ZFHX3: variants seen among roughly 807,000 people sequenced by gnomAD.
ZFHX3 encodes zinc finger homeobox protein 3.
ZFHX3 carries 42 observed loss-of-function variants against 279.1 expected under a neutral mutation model. The ratio of observed to expected loss-of-function variants is 0.15; its 90% CI spans 0.12 to 0.19. The LOEUF is 0.19. ZFHX3 is among the 10% of genes least tolerant of loss of function. The pLI is 1.00. For synonymous variants in ZFHX3, 2,293 were observed against 1,957.8 expected (o/e 1.17, Z -4.52); for missense variants, 4,981 against 4,754.0 (o/e 1.05, Z -1.40).
At chr16:72,988,151 C>T (rs1013868255) in intron 1 of ZFHX3, among the ~76,000 whole-genome samples, 4 of 152,192 alleles carry the variant, frequency 2.6e-5, no homozygotes, top group African/African-American at 7.2e-5. Context: ...GTGCTAAGAA[C>T]CATTTAGGAG....
intron 1 of ZFHX3, among the ~76,000 whole-genome samples, chr16:73,708,871 G>A (rs1278887775): frequency 6.6e-6 from 1 of 152,184 alleles, no homozygotes; most frequent in Non-Finnish European, 1.5e-5. Context: ...AAGAATAGGA[G>A]AAAGAGCATA....
At chr16:73,636,921 C>T (rs1227652150) in intron 2 of ZFHX3, among the ~76,000 whole-genome samples, 6 of 151,562 alleles carry the variant, frequency 4.0e-5, no homozygotes, top group Non-Finnish European at 7.4e-5. Flanking sequence ...GATTTTAAAG[C>T]TTAACTGAAA....
At chr16:73,454,737 G>A (rs544098557) in intron 3 of ZFHX3, among the ~76,000 whole-genome samples, 5 of 152,218 alleles carry the variant, frequency 3.3e-5, no homozygotes, top group Non-Finnish European at 5.9e-5. Flanking sequence ...GGCTCAGGGA[G>A]AGGAGCGAGA....
intron 3 of ZFHX3, among the ~76,000 whole-genome samples, chr16:72,947,550 A>G (rs1960750495): frequency 6.6e-6 from 1 of 152,152 alleles, no homozygotes; most frequent in African/African-American, 2.4e-5. Context: ...AACATGAAAA[A>G]GGAACAGGAG....
At position 73,040,002 on chromosome 16, in the gene ZFHX3, G is replaced by A. The variant is rs3743977; in HGVS notation, c.-50+7750C>T. Among the ~76,000 whole-genome samples, 2,972 of 152,340 alleles carry A rather than the reference G, an allele frequency of 0.02. 156 individuals are homozygous for A. The East Asian group carries it at 0.21, about 11-fold the overall frequency. ...ACTATAATCGCTTTGTCGCCAGACT[G>A]GGTTGAGTGTCAAGGGTTGATTATG... On this transcript the variant is annotated intron_variant, in intron 1 of 9. Coordinates refer to ENST00000268489, the MANE Select transcript of ZFHX3 (RefSeq NM_006885.4).
At chr16:73,008,930 G>A (rs1318074683) in intron 1 of ZFHX3, among the ~76,000 whole-genome samples, 1 of 151,890 alleles carries the variant, frequency 6.6e-6, no homozygotes, top group African/African-American at 2.4e-5. Context: ...GTGTGTGTGT[G>A]TGTGTGTGTA....
chr16:72,936,675 T>C (rs1315500273), intron 3 of ZFHX3, among the ~76,000 whole-genome samples: 1 of 151,976 alleles, frequency 6.6e-6, no homozygotes, highest in Non-Finnish European at 1.5e-5. Context: ...GGGGAGAGGG[T>C]TGTAAAATGA....
chr16:73,374,571 G>C (rs993652117), intron 3 of ZFHX3, among the ~76,000 whole-genome samples: 8 of 152,090 alleles, frequency 5.3e-5, no homozygotes, highest in African/African-American at 1.7e-4. Flanking sequence ...TAATGTCATC[G>C]AACATCCAGG....
intron 7 of ZFHX3, among the ~76,000 whole-genome samples, chr16:73,130,182 G>A (rs74696413): frequency 1.3e-5 from 2 of 151,938 alleles, no homozygotes; most frequent in Non-Finnish European, 1.5e-5. Flanking sequence ...AGCTGTTTGC[G>A]CATGTAAAGT....
intron 2 of ZFHX3, among the ~76,000 whole-genome samples, chr16:73,648,697 C>CCA (rs1400006526): frequency 6.6e-6 from 1 of 152,144 alleles, no homozygotes; most frequent in Admixed American, 6.5e-5. Flanking sequence ...TAAGTGTGAG[C>CCA]CACCGTGCTC....
intron 4 of ZFHX3, among the ~76,000 whole-genome samples, chr16:73,302,159 C>T (rs1019463569): frequency 6.6e-6 from 1 of 152,148 alleles, no homozygotes; most frequent in South Asian, 2.1e-4. Flanking sequence ...AGCTCCCTTT[C>T]TCTTTCTTTT....
intron 2 of ZFHX3, among the ~76,000 whole-genome samples, chr16:73,605,675 G>T (rs1160579648): frequency 6.6e-6 from 1 of 151,450 alleles, no homozygotes; most frequent in Non-Finnish European, 1.5e-5. Flanking sequence ...ATGGGGGAAG[G>T]CTGGTCTAGG....
At chr16:73,520,397 A>C (rs1437392104) in intron 2 of ZFHX3, among the ~76,000 whole-genome samples, 1 of 152,228 alleles carries the variant, frequency 6.6e-6, no homozygotes, top group African/African-American at 2.4e-5. Context: ...AGTTTTTCTA[A>C]ATTCATGTAT....
At chr16:73,056,702 C>A (rs1414931903) in intron 1 of ZFHX3, among the ~76,000 whole-genome samples, 2 of 152,170 alleles carry the variant, frequency 1.3e-5, no homozygotes, top group Non-Finnish European at 1.5e-5. Context: ...CGCTGGAGCA[C>A]CCACGCTGCA....
At chr16:73,609,797 T>A (rs543625888) in intron 2 of ZFHX3, 1 of 152,316 alleles carries the variant, frequency 6.6e-6, no homozygotes, top group Non-Finnish European at 1.5e-5. Context: ...CCCAATCAAG[T>A]TGAATCCTAA....
At chr16:73,545,824 A>T (rs543833439) in intron 2 of ZFHX3, among the ~76,000 whole-genome samples, 1 of 152,308 alleles carries the variant, frequency 6.6e-6, no homozygotes, top group African/African-American at 2.4e-5. Context: ...TCCCCTAAAA[A>T]ATGACTAAAC....
chr16:73,590,807 G>C (rs1017196321), intron 2 of ZFHX3, among the ~76,000 whole-genome samples: 1 of 152,122 alleles, frequency 6.6e-6, no homozygotes, highest in Non-Finnish European at 1.5e-5. Flanking sequence ...AATGGATCAA[G>C]GTCATGATCA....
intron 3 of ZFHX3, among the ~76,000 whole-genome samples, chr16:72,949,496 C>T (rs572945265): frequency 4.6e-5 from 7 of 152,230 alleles, no homozygotes; most frequent in African/African-American, 1.2e-4. Flanking sequence ...TCAATAGAGA[C>T]GTCTGGAGCA....
intron 1 of ZFHX3, among the ~76,000 whole-genome samples, chr16:73,851,331 A>C (rs760603520): frequency 1.3e-5 from 2 of 152,130 alleles, no homozygotes. Flanking sequence ...TTCCATCATA[A>C]AGTTATAGAA....
Sources: gnomAD v4.1 joint callset for allele counts (sites outside exome capture counted in the v4.1 genomes callset) on GRCh38, gnomAD v4.1.1 for gene constraint, MANE v1.5 for transcripts, NCBI Gene and HGNC (gene_info 2026-07-23, HGNC 2026-07-21) for gene names.